The following HABP4 variants were observed in gnomAD, a reference collection of about 807,000 sequenced individuals.
The protein encoded by HABP4 is intracellular hyaluronan-binding protein 4.
HABP4 carries 32 observed loss-of-function variants against 44.1 expected under a neutral mutation model. That is an observed-to-expected ratio of 0.73 (90% CI 0.55 to 0.97). The LOEUF (loss-of-function observed/expected upper bound fraction) is 0.97, where lower values mean the gene tolerates loss of function less well. Among genes scored for constraint, HABP4 ranks in the 50% least tolerant of loss-of-function variants. The pLI, the probability that HABP4 is intolerant of heterozygous loss-of-function variation, is 0.00. For missense variants in HABP4, 503 were observed against 561.9 expected (o/e 0.90, Z 1.06); for synonymous variants, 216 against 218.0 (o/e 0.99, Z 0.08).
At chr9:96,484,701 T>C (rs1832939696) in intron 6 of HABP4, 68 bp downstream of exon 6, 1 of 836,870 alleles carries the variant, frequency 1.2e-6, no homozygotes, top group South Asian at 1.6e-5. Context: ...AATGTACCTT[T>C]CCACTTCTGT....
chr9:96,484,336 C>A, intron 5 of HABP4, 126 bp from the exon 6 acceptor site: 2 of 563,364 alleles, frequency 3.6e-6, no homozygotes, highest in Non-Finnish European at 6.3e-6. Flanking sequence ...ATTTCCTTAC[C>A]TTATTTGCAT....
intron 4 of HABP4, among the ~76,000 whole-genome samples, chr9:96,468,424 A>T (rs1832642313): frequency 6.6e-6 from 1 of 152,034 alleles, no homozygotes. Context: ...CGCCCAGCTA[A>T]TGTTTTTTGT....
chr9:96,463,849 C>T (rs903148482), intron 2 of HABP4, among the ~76,000 whole-genome samples: 1 of 152,186 alleles, frequency 6.6e-6, no homozygotes, highest in African/African-American at 2.4e-5. Flanking sequence ...ACCTCTACTG[C>T]TGGTGTTTGA....
Position 96,450,396 on chromosome 9 carries a change from C to G in HABP4, c.117C>G (p.Phe39Leu). 7.1e-7 allele frequency: 1 copy of G among 1,411,680 alleles called. No individual in the cohort carries two copies. Among genetic ancestry groups the G allele is most frequent in the South Asian group, 1.4e-5 (1 of 71,914 alleles). 87.4% of individuals were successfully genotyped at this position (1,411,680 alleles called of 1,614,324 possible). A position where few individuals can be genotyped will look rare whatever the true frequency, so the allele number is the denominator to read the frequency against. The change falls in exon 1 of 8, where the codon TTC becomes TTG. Residue 39 changes from phenylalanine to leucine, a missense_variant. Around this residue, in one of 3 missense-constraint regions of HABP4, gnomAD observed 290 missense variants for 300.5 expected, o/e 0.97. Coordinates refer to ENST00000375249, the MANE Select transcript of HABP4 (RefSeq NM_014282.4). This position sits in a 1 kb window ranked among gnomAD's most constrained non-coding sequence, Gnocchi z 4.8. ...TGCTGGACGACGAGTCGGACCCGTT[C>G]GACATCCTGCGCGAGGCCGAGCGCC... Reference protein sequence around the residue: ...HQLLDDESDPFDILREAERRR... With the variant: ...HQLLDDESDPLDILREAERRR...
chr9:96,451,892 G>T (rs966219122), intron 1 of HABP4, among the ~76,000 whole-genome samples: 1 of 152,000 alleles, frequency 6.6e-6, no homozygotes, highest in Admixed American at 6.6e-5. Flanking sequence ...ATATAATAAA[G>T]GAATTGAGGA....
At chr9:96,489,854 C>A in intron 7 of HABP4, 128 bp from the exon 8 acceptor site, 1 of 722,896 alleles carries the variant, frequency 1.4e-6, no homozygotes, top group South Asian at 1.5e-5. Context: ...TGACTCTCCC[C>A]TTCCCACTGT....
At chr9:96,465,082 C>T (rs895277224) in intron 2 of HABP4, among the ~76,000 whole-genome samples, 3 of 152,120 alleles carry the variant, frequency 2.0e-5, no homozygotes, top group Admixed American at 6.6e-5. Flanking sequence ...TCTCTGCTTC[C>T]GTTTCCTCAT....
At chr9:96,466,661 G>A (rs973756239) in intron 4 of HABP4, among the ~76,000 whole-genome samples, 1 of 152,200 alleles carries the variant, frequency 6.6e-6, no homozygotes, top group Non-Finnish European at 1.5e-5. Context: ...GGTTTCACCT[G>A]AGGCTCAAGT....
intron 1 of HABP4, among the ~76,000 whole-genome samples, chr9:96,453,454 G>A (rs551438622): frequency 2.6e-5 from 4 of 151,606 alleles, no homozygotes; most frequent in South Asian, 2.1e-4. Flanking sequence ...CAGGTGATCC[G>A]CCCGCCTCAG....
chr9:96,486,224 C>G (rs1832974120), intron 6 of HABP4, among the ~76,000 whole-genome samples: 1 of 152,142 alleles, frequency 6.6e-6, no homozygotes. Flanking sequence ...ACAGGATTCT[C>G]TCCCATCCTC....
intron 5 of HABP4, among the ~76,000 whole-genome samples, chr9:96,475,804 T>C (rs1036720757): frequency 6.6e-6 from 1 of 152,242 alleles, no homozygotes; most frequent in South Asian, 2.1e-4. Flanking sequence ...TAAAAGAAAC[T>C]GTGAGCAAAC....
chr9:96,469,584 A>G (rs913293536), intron 4 of HABP4, among the ~76,000 whole-genome samples: 3 of 151,862 alleles, frequency 2.0e-5, no homozygotes, highest in African/African-American at 7.3e-5. Context: ...GTGCAGTGGC[A>G]TGATCTCGGC....
intron 5 of HABP4, among the ~76,000 whole-genome samples, chr9:96,476,509 C>G (rs1832788464): frequency 6.6e-6 from 1 of 152,174 alleles, no homozygotes; most frequent in Non-Finnish European, 1.5e-5. Flanking sequence ...AATTCCCTCC[C>G]AAAAGTTTTT....
intron 6 of HABP4, among the ~76,000 whole-genome samples, chr9:96,487,742 T>C (rs1371845556): frequency 6.6e-6 from 1 of 152,238 alleles, no homozygotes; most frequent in Admixed American, 6.5e-5. Context: ...ATGTATATTG[T>C]TTGCTATTAT....
At chr9:96,473,242 G>T (rs1037990176) in intron 5 of HABP4, among the ~76,000 whole-genome samples, 1 of 152,128 alleles carries the variant, frequency 6.6e-6, no homozygotes, top group Admixed American at 6.5e-5. Flanking sequence ...CATCCCAGAT[G>T]CTCCTGTGCC....
intron 6 of HABP4, among the ~76,000 whole-genome samples, chr9:96,487,746 C>T (rs1833000264): frequency 6.6e-6 from 1 of 152,152 alleles, no homozygotes. Context: ...ATATTGTTTG[C>T]TATTATTAGT....
intron 5 of HABP4, chr9:96,483,475 T>C (rs1241860957): frequency 1.3e-5 from 2 of 152,136 alleles, no homozygotes; most frequent in Admixed American, 6.6e-5. Context: ...CAGCCTCAGA[T>C]GCCTGGCCTC....
intron 2 of HABP4, among the ~76,000 whole-genome samples, chr9:96,464,294 G>A (rs1832558101): frequency 6.6e-6 from 1 of 152,230 alleles, no homozygotes; most frequent in African/African-American, 2.4e-5. Context: ...GTTAGCATTA[G>A]CATGGGGGGC....
intron 4 of HABP4, 90 bp from the exon 5 acceptor site, chr9:96,470,921 C>CA (rs899188165): frequency 3.7e-6 from 3 of 813,478 alleles, no homozygotes; most frequent in African/African-American, 1.8e-5. Context: ...CCCAAAAAAC[C>CA]AAAAAAACAA....
Sources: allele counts gnomAD v4.1 joint callset (sites outside exome capture counted in the v4.1 genomes callset), GRCh38; gene constraint gnomAD v4.1.1; regional missense constraint gnomAD v4.1.1; non-coding constraint Gnocchi (gnomAD v3.1); transcripts MANE v1.5; gene names NCBI Gene and HGNC (gene_info 2026-07-23, HGNC 2026-07-21).